AZIN2: variants seen among roughly 807,000 people sequenced by gnomAD.
The protein encoded by AZIN2 is ODC antizyme inhibitor-2.
In AZIN2, 28 loss-of-function variants were observed where a neutral mutation model predicts 47.8. The ratio of observed to expected loss-of-function variants is 0.59; its 90% confidence interval spans 0.43 to 0.80. The LOEUF (loss-of-function observed/expected upper bound fraction) is 0.80. Among genes scored for constraint, AZIN2 ranks in the 30% least tolerant of loss-of-function variants. The pLI, the probability that AZIN2 is intolerant of heterozygous loss-of-function variation, is 0.00. For synonymous variants in AZIN2, 221 were observed against 239.4 expected (o/e 0.92, Z 0.71); for missense variants, 535 against 582.5 (o/e 0.92, Z 0.84).
chr1:33,095,625 A>T (rs955395946), intron 8 of AZIN2, among the ~76,000 whole-genome samples: 5 of 152,166 alleles, frequency 3.3e-5, no homozygotes, highest in Non-Finnish European at 4.4e-5. Context: ...GTAATCAAGT[A>T]TATTACAGTT....
At chr1:33,150,465 G>GT in the AZIN2 span, among the ~76,000 whole-genome samples, 1 of 152,248 alleles carries the variant, frequency 6.6e-6, no homozygotes, top group Non-Finnish European at 1.5e-5. Flanking sequence ...TTTGCCAGGA[G>GT]TAAGTTTAGT....
chr1:33,088,357 A>G (rs1642166197), intron 5 of AZIN2, among the ~76,000 whole-genome samples: 1 of 152,134 alleles, frequency 6.6e-6, no homozygotes, highest in Non-Finnish European at 1.5e-5. Context: ...TCCCACCTCC[A>G]GAACACATCT....
chr1:33,120,193 T>C lies in AZIN2; in HGVS notation c.*11T>C, dbSNP rs750186034. On this transcript the variant is annotated 3_prime_UTR_variant, in exon 12 of 12. Coordinates refer to ENST00000294517, the MANE Select transcript of AZIN2 (RefSeq NM_052998.4). ...GCGAGCATCATGTGAGTGGGCCTCG[T>C]TCCCCCCGGAGAATCCCAGCGGGGC... is the stretch of plus-strand genomic sequence containing the variant. 2.5e-6 allele frequency: 4 copies of C among 1,596,212 alleles called. No individual in the cohort carries two copies. Among genetic ancestry groups the C allele is most frequent in the Middle Eastern group, 1.7e-4 (1 of 6,004 alleles).
At chr1:33,147,835 GACCTGCTGTGTGACCTTGAATACAAGT>G in the AZIN2 span, 5 of 1,240,152 alleles carry the variant, frequency 4.0e-6, no homozygotes, top group Non-Finnish European at 4.5e-6. This position sits in a 1 kb window ranked among gnomAD's most constrained non-coding sequence, Gnocchi z 8.1. Flanking sequence ...GGAGGCCTCT[GACCTGCTGTGTGACCTTGAATACAAGT>G]CTGCCCTCTC....
At chr1:33,132,835 G>A in the AZIN2 span, among the ~76,000 whole-genome samples, 1 of 152,352 alleles carries the variant, frequency 6.6e-6, no homozygotes, top group Non-Finnish European at 1.5e-5. Flanking sequence ...GAGATCTTGG[G>A]TAGTGATGAG....
At chr1:33,134,104 T>C in the AZIN2 span, among the ~76,000 whole-genome samples, 1 of 152,216 alleles carries the variant, frequency 6.6e-6, no homozygotes, top group Non-Finnish European at 1.5e-5. Flanking sequence ...GCTATCCATG[T>C]GCTTCCCCAC....
chr1:33,117,951 C>T lies in AZIN2; in HGVS notation c.1079C>T (p.Ala360Val), dbSNP rs369229306. 4.0e-5 allele frequency: 65 copies of T among 1,613,276 alleles called. No individual in the cohort carries two copies. The highest frequency in any genetic ancestry group is 5.3e-5 in the Non-Finnish European group (62 of 1,179,678). The change falls in exon 11 of 12, where the codon GCG becomes GTG. Residue 360 changes from alanine to valine, a missense_variant. Physicochemically the swap from Ala to Val is moderately conservative, Grantham distance 64. Coordinates refer to ENST00000294517, the MANE Select transcript of AZIN2 (RefSeq NM_052998.4). Reference protein sequence around the residue: ...PLYSSSLWGPAVDGCDCVAEG... With the variant: ...PLYSSSLWGPVVDGCDCVAEG... Reference sequence around the variant, plus strand: ...TACAGCAGCAGCCTGTGGGGCCCGGCGGTTGATGGCTGTGATTGCGTGGCT... The same window carrying T: ...TACAGCAGCAGCCTGTGGGGCCCGGTGGTTGATGGCTGTGATTGCGTGGCT...
At chr1:33,126,247 T>G (rs1204441369), downstream of AZIN2, among the ~76,000 whole-genome samples, 1 of 152,196 alleles carries the variant, frequency 6.6e-6, no homozygotes, top group Non-Finnish European at 1.5e-5. Flanking sequence ...GGCCTCAGCT[T>G]GGGTGTCTCT....
rs1423584254 is a variant in AZIN2 at position 33,120,156 on chromosome 1, G to A, written c.1357G>A (p.Val453Ile). 6.2e-7 allele frequency: 1 copy of A among 1,612,128 alleles called. No homozygotes were observed. The highest frequency in any genetic ancestry group is 8.5e-7 in the Non-Finnish European group (1 of 1,178,456). ...EITDTLCVGP[V>I]FTPASIM ...CACAGACACCCTGTGCGTGGGCCCT[G>A]TCTTCACCCCAGCGAGCATCATGTG... The change falls in exon 12 of 12, where the codon GTC becomes ATC. Residue 453 changes from valine to isoleucine, a missense_variant. Val to Ile is a conservative substitution (Grantham distance 29). This residue lies in a region of AZIN2 where 122 missense variants were observed against 135.8 expected (regional missense o/e 0.90). Coordinates refer to ENST00000294517, the MANE Select transcript of AZIN2 (RefSeq NM_052998.4).
chr1:33,092,082 C>A lies in AZIN2; in HGVS notation c.312C>A (p.Ile104=), dbSNP rs1249227690. Residue 104 remains isoleucine (I), a synonymous_variant, in exon 6 of 12, where the codon ATC becomes ATA. Coordinates refer to ENST00000294517, the MANE Select transcript of AZIN2 (RefSeq NM_052998.4). ...AEMELVQHIG[I]PASKIICANP... ...TGGAGTTGGTCCAGCATATTGGAAT[C>A]CCTGCCAGTAAGATCATCTGCGCCA... 2.5e-6 allele frequency: 4 copies of A among 1,613,986 alleles called. No homozygotes were observed. In the Admixed American group the frequency reaches 6.7e-5, roughly 27 times the overall value.
At chr1:33,096,954 A>T in intron 9 of AZIN2, 85 bp downstream of exon 9, 1 of 1,542,846 alleles carries the variant, frequency 6.5e-7, no homozygotes, top group Non-Finnish European at 8.9e-7. Context: ...TTTTAGACCC[A>T]GTGGCAGAGG....
chr1:33,126,270 A>G (rs1644855882), downstream of AZIN2, among the ~76,000 whole-genome samples: 1 of 151,964 alleles, frequency 6.6e-6, no homozygotes, highest in Non-Finnish European at 1.5e-5. Context: ...CCTTTCTCTT[A>G]CTTTCTATTC....
chr1:33,129,287 C>T, the AZIN2 span, among the ~76,000 whole-genome samples: 15 of 152,136 alleles, frequency 9.9e-5, no homozygotes, highest in Non-Finnish European at 1.8e-4. The surrounding 1 kb of genome is among the most constrained non-coding windows in gnomAD (Gnocchi z 4.1). Context: ...TCATATCCCT[C>T]CTAACTCTGA....
the AZIN2 span, among the ~76,000 whole-genome samples, chr1:33,136,105 G>A: frequency 0.015 from 2,253 of 146,278 alleles, 39 homozygotes; most frequent in African/African-American, 0.049. Flanking sequence ...CTCCAGCCCA[G>A]GGGCCAGCCC....
chr1:33,097,986 C>T, intron 9 of AZIN2, 81 bp from the exon 10 acceptor site: 1 of 1,019,374 alleles, frequency 9.8e-7, no homozygotes, highest in Non-Finnish European at 1.5e-6. Context: ...TGCTTCCTTA[C>T]TGAGCCCACT....
chr1:33,117,922 C>G lies in AZIN2; in HGVS notation c.1050C>G (p.Pro350=). 1 of 1,614,190 alleles carries G rather than the reference C, an allele frequency of 6.2e-7. No individual in the cohort carries two copies. The highest frequency in any genetic ancestry group is 1.1e-5 in the South Asian group (1 of 91,086). ...TACAGAAACCATCCACGGAGCAGCCCCTGTACAGCAGCAGCCTGTGGGGCC... is the reference window on the plus strand; with the variant it reads ...TACAGAAACCATCCACGGAGCAGCCGCTGTACAGCAGCAGCCTGTGGGGCC... ...ILQKKPSTEQ[P]LYSSSLWGPA... The change falls in exon 11 of 12, where the codon CCC becomes CCG. Residue 350 remains proline, a synonymous_variant. Transcript: ENST00000294517.
intron 8 of AZIN2, among the ~76,000 whole-genome samples, chr1:33,094,998 G>A (rs1428230489): frequency 1.3e-5 from 2 of 152,234 alleles, no homozygotes; most frequent in Non-Finnish European, 2.9e-5. Context: ...TAAGTCGTAA[G>A]GCTCTTTAAG....
At chr1:33,112,987 T>C (rs182968520) in intron 10 of AZIN2, among the ~76,000 whole-genome samples, 97 of 152,340 alleles carry the variant, frequency 6.4e-4, no homozygotes, top group African/African-American at 2.3e-3. Context: ...TTATTTATTT[T>C]TTTTGAGACG....
chr1:33,165,687 C>T, the AZIN2 span: 2 of 762,800 alleles, frequency 2.6e-6, no homozygotes, highest in Non-Finnish European at 3.9e-6. The surrounding 1 kb of genome is among the most constrained non-coding windows in gnomAD (Gnocchi z 4.0). Flanking sequence ...CAACACTTGC[C>T]TCCCGTCACA....
Sources: allele counts gnomAD v4.1 joint callset (sites outside exome capture counted in the v4.1 genomes callset), GRCh38; gene constraint gnomAD v4.1.1; regional missense constraint gnomAD v4.1.1; non-coding constraint Gnocchi (gnomAD v3.1); transcripts MANE v1.5; gene names NCBI Gene and HGNC (gene_info 2026-07-23, HGNC 2026-07-21).